CAMKMT: variants seen among roughly 807,000 people sequenced by gnomAD.
The protein encoded by CAMKMT is calmodulin-lysine N-methyltransferase, also known as CaM KMT.
Under a neutral mutation model 48.0 loss-of-function variants are expected in CAMKMT, and 53 were observed. The ratio of observed to expected loss-of-function variants is 1.10; its 90% CI spans 0.89 to 1.39. CAMKMT has a LOEUF of 1.39. Among genes scored for constraint, CAMKMT ranks in the 40% most tolerant of loss-of-function variants. The pLI is 0.00. For missense variants in CAMKMT, 428 were observed against 402.7 expected, an observed-to-expected ratio of 1.06 and a Z score of -0.54; for synonymous variants, 165 against 152.3, an observed-to-expected ratio of 1.08 and a Z score of -0.61.
chr2:44,420,910 A>G lies in CAMKMT; in HGVS notation c.376+30605A>G, dbSNP rs116275366. On this transcript the variant is annotated intron_variant, in intron 3 of 10. Transcript: ENST00000378494. ...CTCATTATCTTTGTTAATCACTTTCAGAGCTTTTCGCTATTGTTCATCACA... is the reference window on the plus strand; with the variant it reads ...CTCATTATCTTTGTTAATCACTTTCGGAGCTTTTCGCTATTGTTCATCACA... 3.3e-3 allele frequency among the ~76,000 whole-genome samples: 506 copies of G among 151,992 alleles called. 3 individuals are homozygous for G. The highest frequency in any genetic ancestry group is 0.012 in the African/African-American group (488 of 41,466).
intron 3 of CAMKMT, among the ~76,000 whole-genome samples, chr2:44,494,401 C>T (rs1453458890): frequency 2.0e-5 from 3 of 152,154 alleles, no homozygotes; most frequent in African/African-American, 7.2e-5. Flanking sequence ...GAGACCACCT[C>T]ACTTTTTTTC....
At chr2:44,669,544 A>T (rs935652606) in intron 3 of CAMKMT, among the ~76,000 whole-genome samples, 1 of 152,204 alleles carries the variant, frequency 6.6e-6, no homozygotes, top group Non-Finnish European at 1.5e-5. Context: ...GAAAGTTCCC[A>T]TTCCACCATA....
At chr2:44,730,265 C>T (rs1242042062) in intron 7 of CAMKMT, among the ~76,000 whole-genome samples, 1 of 152,180 alleles carries the variant, frequency 6.6e-6, no homozygotes, top group Non-Finnish European at 1.5e-5. Flanking sequence ...CATTCCCCAT[C>T]CAGATCCTGT....
At chr2:44,479,565 A>G (rs566462304) in intron 3 of CAMKMT, among the ~76,000 whole-genome samples, 2 of 152,300 alleles carry the variant, frequency 1.3e-5, no homozygotes, top group South Asian at 2.1e-4. Context: ...CATTCATCAC[A>G]TTTCTGTCCC....
intron 3 of CAMKMT, among the ~76,000 whole-genome samples, chr2:44,598,715 G>A (rs1367511030): frequency 3.1e-5 from 1 of 31,888 alleles, no homozygotes; most frequent in Non-Finnish European, 7.7e-5. Context: ...AAGTCCTTTG[G>A]GTCTTGTCTT....
rs141869628 is a variant in CAMKMT, at chr2:44,566,356, C to G, written c.377-137927C>G. 4.3e-3 allele frequency among the ~76,000 whole-genome samples: 649 copies of G among 152,310 alleles called. 7 individuals carry two copies. Among genetic ancestry groups the G allele is most frequent in the African/African-American group, 0.015 (622 of 41,568 alleles). On this transcript the variant is annotated intron_variant, in intron 3 of 10. Coordinates refer to ENST00000378494, the MANE Select transcript of CAMKMT (RefSeq NM_024766.5). ...GTTGCTTTGGCTTTGTTCCAGAATT[C>G]TGCAGAAATCCACATGGTAGCTTAT...
intron 3 of CAMKMT, among the ~76,000 whole-genome samples, chr2:44,625,313 C>T (rs1036213411): frequency 7.2e-5 from 11 of 152,154 alleles, no homozygotes; most frequent in African/African-American, 2.6e-4. Flanking sequence ...ATGTTCAAAT[C>T]TTTTGTACAG....
chr2:44,528,598 C>G lies in CAMKMT; in HGVS notation c.376+138293C>G, dbSNP rs577712076. On this transcript the variant is annotated intron_variant, in intron 3 of 10. Transcript: ENST00000378494. ...GATTGGTAATCATTATTTAAATTCC[C>G]CCAATAATTCATAACTTTTTCTTTA... is the stretch of plus-strand genomic sequence containing the variant. Among the ~76,000 whole-genome samples the G allele has an allele frequency of 2.0e-5, 3 of 152,110 alleles. No homozygotes were observed. In the South Asian group the frequency reaches 6.2e-4, roughly 32 times the overall value.
At chr2:44,647,026 C>T (rs1255446160) in intron 3 of CAMKMT, among the ~76,000 whole-genome samples, 2 of 152,282 alleles carry the variant, frequency 1.3e-5, no homozygotes, top group East Asian at 1.9e-4. Context: ...TGGCCGGGCG[C>T]GGTGGCTCAC....
intron 3 of CAMKMT, among the ~76,000 whole-genome samples, chr2:44,649,156 AG>A (rs1210325364): frequency 3.9e-5 from 6 of 152,012 alleles, no homozygotes; most frequent in Non-Finnish European, 8.8e-5. Context: ...CCCTTCAGTG[AG>A]GGGGGGAAAA....
At chr2:44,689,188 T>C (rs1218377430) in intron 3 of CAMKMT, among the ~76,000 whole-genome samples, 1 of 152,230 alleles carries the variant, frequency 6.6e-6, no homozygotes, top group Non-Finnish European at 1.5e-5. Context: ...CAATTATTCC[T>C]AATACTTTAT....
At chr2:44,419,144 A>G (rs1683761415) in intron 3 of CAMKMT, among the ~76,000 whole-genome samples, 1 of 152,226 alleles carries the variant, frequency 6.6e-6, no homozygotes, top group Non-Finnish European at 1.5e-5. Flanking sequence ...AGATCTGAAG[A>G]AGCAGGCAAA....
intron 3 of CAMKMT, among the ~76,000 whole-genome samples, chr2:44,470,994 CTTTTTTTTTTT>C (rs11362559): frequency 2.7e-5 from 2 of 74,934 alleles, no homozygotes; most frequent in African/African-American, 9.6e-5. Flanking sequence ...CTCTCTCTCT[CTTTTTTTTTTT>C]TTTTTTTTTG....
intron 3 of CAMKMT, among the ~76,000 whole-genome samples, chr2:44,471,515 G>A (rs190082334): frequency 3.9e-5 from 6 of 151,990 alleles, no homozygotes; most frequent in Non-Finnish European, 5.9e-5. Flanking sequence ...TAGGTGGATC[G>A]CTTGAGTCAA....
At chr2:44,369,417 G>T (rs1408063021) in intron 1 of CAMKMT, among the ~76,000 whole-genome samples, 1 of 152,054 alleles carries the variant, frequency 6.6e-6, no homozygotes, top group Admixed American at 6.6e-5. Flanking sequence ...TGGAATAAGT[G>T]TTCCTTTTTT....
intron 3 of CAMKMT, among the ~76,000 whole-genome samples, chr2:44,704,056 G>A (rs1558806461): frequency 6.6e-6 from 1 of 152,116 alleles, no homozygotes. Context: ...TCAAAATTTA[G>A]TATAATTTAT....
chr2:44,477,798 G>T (rs1668763466), intron 3 of CAMKMT, among the ~76,000 whole-genome samples: 1 of 152,196 alleles, frequency 6.6e-6, no homozygotes, highest in Non-Finnish European at 1.5e-5. Context: ...AAGGTGATAG[G>T]CCTAAATTCA....
At chr2:44,691,059 CTA>C (rs952671176) in intron 3 of CAMKMT, among the ~76,000 whole-genome samples, 16 of 152,132 alleles carry the variant, frequency 1.1e-4, no homozygotes, top group Admixed American at 8.5e-4. Flanking sequence ...AATCCCCAGT[CTA>C]TAGTATGGAG....
intron 10 of CAMKMT, among the ~76,000 whole-genome samples, chr2:44,768,689 C>G (rs1680969496): frequency 6.6e-6 from 1 of 152,298 alleles, no homozygotes; most frequent in East Asian, 1.9e-4. Flanking sequence ...CTCCGGGACG[C>G]GGCCGCCGGG....
Sources: allele counts gnomAD v4.1 joint callset (sites outside exome capture counted in the v4.1 genomes callset), GRCh38; gene constraint gnomAD v4.1.1; transcripts MANE v1.5; gene names NCBI Gene and HGNC (gene_info 2026-07-23, HGNC 2026-07-21).